Variants in PALS2 observed in about 807,000 individuals in gnomAD.
PALS2 encodes protein associated with LIN7 2, MAGUK p55 family member.
PALS2 carries 27 observed loss-of-function variants against 61.6 expected under a neutral mutation model. That is an observed-to-expected ratio of 0.44 (90% CI 0.32 to 0.60). PALS2 has a LOEUF of 0.60. PALS2 is among the 20% of genes least tolerant of loss of function. The probability of loss-of-function intolerance (pLI) is 0.05; values close to 1 mark genes in which losing one functional copy is unlikely to be tolerated. For synonymous variants in PALS2, 236 were observed against 218.6 expected, an observed-to-expected ratio of 1.08 and a Z score of -0.70; for missense variants, 554 against 639.4, an observed-to-expected ratio of 0.87 and a Z score of 1.44.
intron 1 of PALS2, chr7:24,619,966 T>G (rs1016341430): frequency 2.6e-5 from 4 of 152,106 alleles, no homozygotes; most frequent in African/African-American, 9.7e-5. Context: ...TTATTTTATA[T>G]ATTAAGTTTT....
At chr7:24,644,272 A>G (rs890625936) in intron 3 of PALS2, among the ~76,000 whole-genome samples, 19 of 151,838 alleles carry the variant, frequency 1.3e-4, no homozygotes, top group Non-Finnish European at 2.1e-4. Context: ...CTCCCCACTC[A>G]GGTAGACCCC....
At chr7:24,638,322 C>CTTTTCT (rs1785342340) in intron 2 of PALS2, among the ~76,000 whole-genome samples, 1 of 11,926 alleles carries the variant, frequency 8.4e-5, no homozygotes, top group Non-Finnish European at 1.2e-4. Context: ...TCTGTATTTT[C>CTTTTCT]TTTTTTTTTT....
intron 1 of PALS2, among the ~76,000 whole-genome samples, chr7:24,621,033 A>T (rs376313380): frequency 1.3e-5 from 2 of 152,208 alleles, no homozygotes; most frequent in African/African-American, 4.8e-5. Flanking sequence ...AACCACATTT[A>T]TAGCCACAGG....
intron 11 of PALS2, among the ~76,000 whole-genome samples, chr7:24,682,536 A>G (rs749924783): frequency 6.6e-6 from 1 of 152,186 alleles, no homozygotes; most frequent in Non-Finnish European, 1.5e-5. Flanking sequence ...CTTTCAAGCC[A>G]GGAAGCTGGG....
chr7:24,613,813 G>T (rs540424448), intron 1 of PALS2, among the ~76,000 whole-genome samples: 1 of 151,632 alleles, frequency 6.6e-6, no homozygotes, highest in Non-Finnish European at 1.5e-5. Context: ...AACTTTTTTA[G>T]CTTCCATGTA....
chr7:24,640,759 A>G (rs921043449), intron 2 of PALS2, among the ~76,000 whole-genome samples: 14 of 152,176 alleles, frequency 9.2e-5, no homozygotes, highest in South Asian at 4.1e-4. Context: ...CTGTAATCCC[A>G]GCACTTTGGG....
Position 24,688,128 on chromosome 7 carries a change from G to T in PALS2, c.*514G>T, listed in dbSNP as rs1430737197. 4 of 152,208 alleles carry T rather than the reference G, an allele frequency of 2.6e-5. No homozygotes were observed. Among genetic ancestry groups the T allele is most frequent in the African/African-American group, 9.7e-5 (4 of 41,420 alleles). The allele number at this position is 152,208 out of a possible 1,614,324, so 9.4% of individuals were successfully genotyped here. A position where few individuals can be genotyped will look rare whatever the true frequency, so the allele number is the denominator to read the frequency against. ...GAATTTTAAGTCAGTGTTATAGCTA[G>T]TCTACTACCATCTAAATCTGACATC... On this transcript the variant is annotated 3_prime_UTR_variant, in exon 12 of 12. Coordinates refer to ENST00000222644, the MANE Select transcript of PALS2 (RefSeq NM_001303037.2).
chr7:24,693,348 G>T lies in PALS2; in HGVS notation c.*5734G>T, dbSNP rs922471169. ...TATGACAGGTCATATATGAAATTTG[G>T]CTCTCCTCCTATCAAAGTAGCCTAG... On this transcript the variant is annotated 3_prime_UTR_variant, in exon 12 of 12. Coordinates refer to ENST00000222644, the MANE Select transcript of PALS2 (RefSeq NM_001303037.2). 1 of 152,108 alleles carries T rather than the reference G, an allele frequency of 6.6e-6. No individual in the cohort carries two copies. The highest frequency in any genetic ancestry group is 2.4e-5 in the African/African-American group (1 of 41,430). The allele number at this position is 152,108 out of a possible 1,614,324, so 9.4% of individuals were successfully genotyped here.
intron 3 of PALS2, among the ~76,000 whole-genome samples, chr7:24,646,785 C>G (rs547108035): frequency 2.3e-4 from 35 of 152,000 alleles, no homozygotes; most frequent in African/African-American, 8.5e-4. Context: ...AGGTCCCAGG[C>G]TTTTTTTGGT....
chr7:24,682,517 C>T (rs909492182), intron 11 of PALS2, among the ~76,000 whole-genome samples: 1 of 152,158 alleles, frequency 6.6e-6, no homozygotes, highest in Non-Finnish European at 1.5e-5. Flanking sequence ...ATCCTACTGC[C>T]CAGAAACTCT....
chr7:24,676,276 C>T (rs2128028725), intron 9 of PALS2, among the ~76,000 whole-genome samples: 1 of 151,708 alleles, frequency 6.6e-6, no homozygotes, highest in South Asian at 2.1e-4. Flanking sequence ...TGGATATTAG[C>T]CCTTTGTCAG....
intron 11 of PALS2, among the ~76,000 whole-genome samples, chr7:24,685,644 A>C (rs996326888): frequency 7.4e-6 from 1 of 134,564 alleles, no homozygotes; most frequent in Non-Finnish European, 1.5e-5. Flanking sequence ...TATTGTTAAC[A>C]GGGTTTTTTT....
chr7:24,592,336 A>G (rs1261801916), intron 1 of PALS2, among the ~76,000 whole-genome samples: 1 of 152,076 alleles, frequency 6.6e-6, no homozygotes, highest in African/African-American at 2.4e-5. Flanking sequence ...GTATGAAGCA[A>G]TGAATCTATG....
rs1302234391 is a variant in PALS2, at chr7:24,679,165, T to C, written c.1149T>C (p.Asp383=). 2.5e-6 allele frequency: 4 copies of C among 1,613,872 alleles called. No homozygotes were observed. Among genetic ancestry groups the C allele is most frequent in the South Asian group, 1.1e-5 (1 of 91,072 alleles). ...TSRKPREDEK[D]GQAYKFVSRS... is the part of the protein sequence containing the mutation. ...GGAAACCAAGGGAAGATGAAAAAGA[T>C]GGCCAGGCATATAAGTTTGTGTCAC... The change falls in exon 10 of 12, where the codon GAT becomes GAC. Residue 383 remains aspartate (D), a synonymous_variant. Transcript: ENST00000222644.
intron 2 of PALS2, among the ~76,000 whole-genome samples, chr7:24,629,124 T>C (rs1243336411): frequency 1.3e-5 from 2 of 152,126 alleles, no homozygotes; most frequent in Admixed American, 1.3e-4. Flanking sequence ...AACACCATGG[T>C]ACTGGTACAA....
intron 5 of PALS2, 69 bp from the exon 6 acceptor site, chr7:24,663,521 A>G: frequency 7.1e-7 from 1 of 1,410,842 alleles, no homozygotes; most frequent in Non-Finnish European, 9.6e-7. Context: ...GAGTGGTTTG[A>G]CAAGGATTTT....
chr7:24,651,250 C>G (rs1351218648), intron 5 of PALS2, among the ~76,000 whole-genome samples: 1 of 152,062 alleles, frequency 6.6e-6, no homozygotes, highest in African/African-American at 2.4e-5. Context: ...TAGAGATTGT[C>G]TAGACTCGGT....
chr7:24,679,083 A>G (rs756984318), intron 9 of PALS2, 48 bp from the exon 10 acceptor site: 1 of 1,551,988 alleles, frequency 6.4e-7, no homozygotes. Flanking sequence ...TCTATTTTTT[A>G]TGCCCTAAAA....
intron 3 of PALS2, among the ~76,000 whole-genome samples, chr7:24,648,244 A>G (rs541271756): frequency 6.6e-6 from 1 of 151,104 alleles, no homozygotes; most frequent in Non-Finnish European, 1.5e-5. Context: ...CAAGAATGTT[A>G]ACTTATCTTT....
Sources: gnomAD v4.1 joint callset for allele counts (sites outside exome capture counted in the v4.1 genomes callset) on GRCh38, gnomAD v4.1.1 for gene constraint, MANE v1.5 for transcripts, NCBI Gene and HGNC (gene_info 2026-07-23, HGNC 2026-07-21) for gene names.